Variants in HAVCR1 observed in about 807,000 individuals in gnomAD.
HAVCR1 encodes hepatitis A virus cellular receptor 1.
Under a neutral mutation model 32.0 loss-of-function variants are expected in HAVCR1, and 34 were observed. The ratio of observed to expected loss-of-function variants is 1.06; its 90% CI spans 0.81 to 1.42. HAVCR1 has a LOEUF of 1.42. HAVCR1 is among the 40% of genes most tolerant of loss of function. HAVCR1 has a pLI of 0.00. For synonymous variants in HAVCR1, 178 were observed against 170.3 expected, an observed-to-expected ratio of 1.05 and a Z score of -0.35; for missense variants, 420 against 442.3, an observed-to-expected ratio of 0.95 and a Z score of 0.45.
chr5:157,063,886 A>C (rs1756546031), upstream of HAVCR1, among the ~76,000 whole-genome samples: 3 of 152,238 alleles, frequency 2.0e-5, no homozygotes, highest in African/African-American at 7.2e-5. Flanking sequence ...GACAGACAAG[A>C]AGGGCAAAGG....
chr5:157,051,465 G>C (rs1755731650), intron 4 of HAVCR1, among the ~76,000 whole-genome samples: 1 of 152,152 alleles, frequency 6.6e-6, no homozygotes, highest in African/African-American at 2.4e-5. Flanking sequence ...GTAGTTAAAA[G>C]TACTGGCCCT....
chr5:157,044,589 A>AAGAAAGAAAGAAAGAAAGAAAG lies in HAVCR1; in HGVS notation c.782-1929_782-1908dup, dbSNP rs1561590836. ...AGAAAGAAAGACAAAGAAAGAAGGA[A>AAGAAAGAAAGAAAGAAAGAAAG]AGAAAGAAAGAAAGAAAGAAAGAAA... On this transcript the variant is annotated intron_variant, in intron 5 of 8. Coordinates refer to ENST00000523175, the MANE Select transcript of HAVCR1 (RefSeq NM_001173393.3). Among the ~76,000 whole-genome samples, 5 of 38,160 alleles carry AAGAAAGAAAGAAAGAAAGAAAG rather than the reference A, an allele frequency of 1.3e-4. 1 individual carries two copies. The highest frequency in any genetic ancestry group is 7.1e-4 in the African/African-American group (5 of 7,052). The allele number at this position is 38,160 out of a possible 152,430, so 25.0% of individuals were successfully genotyped here. A position where few individuals can be genotyped will look rare whatever the true frequency, so the allele number is the denominator to read the frequency against.
intron 5 of HAVCR1, 111 bp downstream of exon 5, chr5:157,048,927 C>T: frequency 1.4e-6 from 1 of 693,352 alleles, no homozygotes; most frequent in Non-Finnish European, 2.7e-6. Context: ...GATCTGTGTG[C>T]CTGGTGTTGG....
At chr5:157,068,099 C>G in the HAVCR1 span, among the ~76,000 whole-genome samples, 1 of 150,888 alleles carries the variant, frequency 6.6e-6, no homozygotes, top group Non-Finnish European at 1.5e-5. Flanking sequence ...TGGTGAAACC[C>G]CAACTGTACT....
intron 5 of HAVCR1, among the ~76,000 whole-genome samples, chr5:157,043,524 C>T (rs1755044713): frequency 6.6e-6 from 1 of 152,078 alleles, no homozygotes; most frequent in African/African-American, 2.4e-5. Context: ...AAAAAATTAG[C>T]TGGGCATGGT....
chr5:157,057,907 G>A lies in HAVCR1; in HGVS notation c.37C>T (p.His13Tyr). Reference sequence around the variant, plus strand: ...GCACCTACTCACTTACCTGCCAGATGTAGGATGAGGCTTAAGATGACCACT... The same window carrying A: ...GCACCTACTCACTTACCTGCCAGATATAGGATGAGGCTTAAGATGACCACT... ...PQVVILSLIL[H>Y]LADSVAGSVK... is the part of the protein sequence containing the mutation. Residue 13 changes from histidine to tyrosine, a missense_variant, in exon 2 of 9, where the codon CAT becomes TAT. By Grantham distance (83) the His-to-Tyr change is moderately conservative. Coordinates refer to ENST00000523175, the MANE Select transcript of HAVCR1 (RefSeq NM_001173393.3). 1 of 1,613,412 alleles carries A rather than the reference G, an allele frequency of 6.2e-7. No individual in the cohort carries two copies. Among genetic ancestry groups the A allele is most frequent in the Non-Finnish European group, 8.5e-7 (1 of 1,179,572 alleles).
At chr5:157,057,423 GAAA>G (rs1561606139) in intron 2 of HAVCR1, among the ~76,000 whole-genome samples, 1 of 143,662 alleles carries the variant, frequency 7.0e-6, no homozygotes, top group Non-Finnish European at 1.5e-5. Flanking sequence ...AAGAAAGAAA[GAAA>G]GAAAGAAAGA....
upstream of HAVCR1, among the ~76,000 whole-genome samples, chr5:157,060,180 A>AT (rs1165332396): frequency 6.6e-6 from 1 of 152,034 alleles, no homozygotes; most frequent in Non-Finnish European, 1.5e-5. Context: ...AGACTACATC[A>AT]TTCCCCCACT....
chr5:157,044,468 A>AAAGGAAGG (rs201451883), intron 5 of HAVCR1, among the ~76,000 whole-genome samples: 3 of 62,978 alleles, frequency 4.8e-5, no homozygotes, highest in African/African-American at 7.3e-5. Flanking sequence ...AGAAAGAAAG[A>AAAGGAAGG]AAGGAAGGAA....
intron 5 of HAVCR1, among the ~76,000 whole-genome samples, chr5:157,044,421 GAGAAAGAAAGAA>G (rs1209423817): frequency 1.2e-4 from 4 of 33,768 alleles, no homozygotes; most frequent in African/African-American, 5.8e-4. Context: ...AGGAAGGAAG[GAGAAAGAAAGAA>G]AGAAAGAAAG....
intron 4 of HAVCR1, among the ~76,000 whole-genome samples, chr5:157,051,242 C>T (rs1407462195): frequency 6.6e-6 from 1 of 152,096 alleles, no homozygotes; most frequent in Non-Finnish European, 1.5e-5. Context: ...CCCTTAAATC[C>T]AATGTTACTT....
At chr5:157,040,537 C>G (rs951392830) in intron 6 of HAVCR1, among the ~76,000 whole-genome samples, 1 of 152,186 alleles carries the variant, frequency 6.6e-6, no homozygotes, top group African/African-American at 2.4e-5. Flanking sequence ...CTAAATAGCC[C>G]CACTTTGATC....
At chr5:157,052,986 C>G (rs933436785) in intron 3 of HAVCR1, among the ~76,000 whole-genome samples, 3 of 152,334 alleles carry the variant, frequency 2.0e-5, no homozygotes, top group Admixed American at 2.0e-4. Context: ...ATGATCAACT[C>G]ACTGCTGCCT....
chr5:157,047,216 T>C (rs1375826247), intron 5 of HAVCR1, among the ~76,000 whole-genome samples: 1 of 152,074 alleles, frequency 6.6e-6, no homozygotes, highest in African/African-American at 2.4e-5. Context: ...TCCTTCCCTG[T>C]GCCCCTGGGG....
Position 157,029,703 on chromosome 5 carries a change from G to A in HAVCR1, c.*30C>T, listed in dbSNP as rs777473215. 1.2e-6 allele frequency: 2 copies of A among 1,612,310 alleles called. No individual in the cohort carries two copies. Among genetic ancestry groups the A allele is most frequent in the East Asian group, 2.2e-5 (1 of 44,840 alleles). On this transcript the variant is annotated 3_prime_UTR_variant, in exon 9 of 9. Transcript: ENST00000523175. ...TCTGTTCAGTCTTCTGCACTCATGG[G>A]CGTAAACTCTCAAAGAGCACCACTG... is the stretch of plus-strand genomic sequence containing the variant.
chr5:157,067,614 G>C, the HAVCR1 span, among the ~76,000 whole-genome samples: 2 of 152,156 alleles, frequency 1.3e-5, no homozygotes, highest in Non-Finnish European at 2.9e-5. Flanking sequence ...GCTGCAAGGA[G>C]CTGTGATTGC....
intron 3 of HAVCR1, among the ~76,000 whole-genome samples, chr5:157,054,044 C>T (rs1300058141): frequency 1.3e-5 from 2 of 150,824 alleles, no homozygotes; most frequent in Non-Finnish European, 3.0e-5. Context: ...ATTAGCCGGG[C>T]ATGGTGATGC....
intron 6 of HAVCR1, among the ~76,000 whole-genome samples, chr5:157,037,678 G>C (rs1274158364): frequency 1.3e-5 from 2 of 152,140 alleles, no homozygotes; most frequent in African/African-American, 4.8e-5. Context: ...TTAATTTACT[G>C]TTTTAAAAGT....
chr5:157,060,698 G>T (rs1366785633), upstream of HAVCR1, among the ~76,000 whole-genome samples: 1 of 152,070 alleles, frequency 6.6e-6, no homozygotes, highest in East Asian at 1.9e-4. Flanking sequence ...GCCAAGACAG[G>T]GATGTGGAGC....
Sources: allele counts gnomAD v4.1 joint callset (sites outside exome capture counted in the v4.1 genomes callset), GRCh38; gene constraint gnomAD v4.1.1; transcripts MANE v1.5; gene names NCBI Gene and HGNC (gene_info 2026-07-23, HGNC 2026-07-21).